NUP210: variants seen among roughly 807,000 people sequenced by gnomAD.
NUP210 encodes nucleoporin 210, also known as nuclear pore membrane glycoprotein 210.
In NUP210, 151 loss-of-function variants were observed where a neutral mutation model predicts 196.0. The observed-to-expected ratio is 0.77, with a 90% CI of 0.67 to 0.88. NUP210 has a LOEUF of 0.88. Ranked by LOEUF, NUP210 falls within the 40% of genes least tolerant of loss-of-function variation. The probability of loss-of-function intolerance (pLI) is 0.00; values close to 1 mark genes in which losing one functional copy is unlikely to be tolerated. For synonymous variants in NUP210, 1,070 were observed against 1,052.7 expected (o/e 1.02, Z -0.32); for missense variants, 2,314 against 2,493.7 (o/e 0.93, Z 1.53).
chr3:13,404,144 CAT>C, intron 1 of NUP210, among the ~76,000 whole-genome samples: 1 of 152,322 alleles, frequency 6.6e-6, no homozygotes, highest in Non-Finnish European at 1.5e-5. Flanking sequence ...TAGCTTTGGG[CAT>C]GTCTTTAAGG....
Position 13,319,864 on chromosome 3 carries a change from G to A in NUP210, c.5282C>T (p.Pro1761Leu). 1 of 1,614,238 alleles carries A rather than the reference G, an allele frequency of 6.2e-7. No individual in the cohort carries two copies. Among genetic ancestry groups the A allele is most frequent in the Non-Finnish European group, 8.5e-7 (1 of 1,180,038 alleles). Residue 1761 changes from proline (P) to leucine (L), a missense_variant, in exon 37 of 40, where the codon CCT becomes CTT. Transcript: ENST00000254508. ...VLDPAAGSQG[P>L]LSTTLTFSSP... Reference sequence around the variant, plus strand: ...GGAGAAGGTCAGGGTAGTGGACAGAGGCCCTTGGCTGCCAGCCGCGGGGTC... The same window carrying A: ...GGAGAAGGTCAGGGTAGTGGACAGAAGCCCTTGGCTGCCAGCCGCGGGGTC...
intron 39 of NUP210, among the ~76,000 whole-genome samples, chr3:13,318,024 C>T (rs1333906997): frequency 6.6e-6 from 1 of 152,190 alleles, no homozygotes; most frequent in African/African-American, 2.4e-5. Flanking sequence ...GAGAACGTGT[C>T]TCAAGTTTCA....
chr3:13,403,416 T>C (rs1403972895), intron 1 of NUP210, among the ~76,000 whole-genome samples: 1 of 152,162 alleles, frequency 6.6e-6, no homozygotes, highest in Non-Finnish European at 1.5e-5. Flanking sequence ...ATCCCAACCA[T>C]GAGGGCCCCA....
intron 36 of NUP210, among the ~76,000 whole-genome samples, chr3:13,321,194 A>C (rs1209841957): frequency 2.0e-5 from 3 of 152,224 alleles, no homozygotes; most frequent in Admixed American, 6.5e-5. Context: ...TCATGGGGGA[A>C]GTGAGGCCTG....
intron 25 of NUP210, among the ~76,000 whole-genome samples, chr3:13,338,825 C>T (rs1043119415): frequency 8.5e-5 from 13 of 152,316 alleles, no homozygotes; most frequent in African/African-American, 2.6e-4. Flanking sequence ...ACCTCCCCAA[C>T]CTGCCAGATG....
intron 26 of NUP210, among the ~76,000 whole-genome samples, chr3:13,337,291 C>T (rs6442369): frequency 0.62 from 94,201 of 152,028 alleles, 30,730 homozygotes; most frequent in African/African-American, 0.84. Flanking sequence ...TCACAGGGCA[C>T]GTGTGGGTGG....
chr3:13,355,827 G>C (rs1001009009), intron 16 of NUP210, among the ~76,000 whole-genome samples: 16 of 152,192 alleles, frequency 1.1e-4, no homozygotes, highest in African/African-American at 3.9e-4. Flanking sequence ...TGCAATCCTG[G>C]CTGGAAAACC....
chr3:13,363,906 G>A (rs1698447731), intron 14 of NUP210, among the ~76,000 whole-genome samples: 1 of 152,248 alleles, frequency 6.6e-6, no homozygotes, highest in Non-Finnish European at 1.5e-5. Context: ...GCCAGGAGGG[G>A]CCCTGAAGAA....
intron 13 of NUP210, among the ~76,000 whole-genome samples, chr3:13,367,316 T>C (rs1157257924): frequency 6.6e-6 from 1 of 151,780 alleles, no homozygotes; most frequent in Non-Finnish European, 1.5e-5. Flanking sequence ...CTGTCTGTAA[T>C]CCCAGCTACT....
At chr3:13,339,635 G>A (rs543462489) in intron 25 of NUP210, among the ~76,000 whole-genome samples, 1 of 152,366 alleles carries the variant, frequency 6.6e-6, no homozygotes, top group Admixed American at 6.5e-5. Context: ...CAGCTGGAAG[G>A]ACTGGGAGAC....
chr3:13,354,167 C>T (rs1295868829), intron 16 of NUP210, 60 bp from the exon 17 acceptor site: 1 of 1,407,134 alleles, frequency 7.1e-7, no homozygotes, highest in East Asian at 2.5e-5. Context: ...GGACACTGAC[C>T]ACGCAGTGCA....
intron 1 of NUP210, among the ~76,000 whole-genome samples, chr3:13,416,064 G>T (rs148027349): frequency 6.6e-6 from 1 of 152,162 alleles, no homozygotes; most frequent in African/African-American, 2.4e-5. Context: ...CAAGCTCCAC[G>T]GCATAGGGAC....
At chr3:13,409,222 G>A (rs930546004) in intron 1 of NUP210, among the ~76,000 whole-genome samples, 6 of 152,212 alleles carry the variant, frequency 3.9e-5, no homozygotes, top group African/African-American at 1.4e-4. Flanking sequence ...GTCTGCTATG[G>A]TCTGAATGTC....
At chr3:13,365,587 G>T (rs1292770120) in intron 14 of NUP210, among the ~76,000 whole-genome samples, 1 of 152,220 alleles carries the variant, frequency 6.6e-6, no homozygotes, top group Non-Finnish European at 1.5e-5. Context: ...CTGAAGGTTA[G>T]CTCTGGAGTG....
chr3:13,322,329 G>T lies in NUP210; in HGVS notation c.4779C>A (p.Thr1593=). 6.2e-7 allele frequency: 1 copy of T among 1,614,232 alleles called. No individual in the cohort carries two copies. Among genetic ancestry groups the T allele is most frequent in the Non-Finnish European group, 8.5e-7 (1 of 1,180,046 alleles). Residue 1593 remains threonine, a synonymous_variant, in exon 35 of 40, where the codon ACC becomes ACA. Coordinates refer to ENST00000254508, the MANE Select transcript of NUP210 (RefSeq NM_024923.4). ...DRSSNLRGEC[T]PTQREVIQAL... The stretch of plus-strand genomic sequence containing the variant: ...CCTGGATGACTTCCCTCTGGGTGGG[G>T]GTGCACTCGCCTAGAGAGGGGAGAG...
Position 13,379,791 on chromosome 3 carries a change from A to G in NUP210, c.818-70T>C. On this transcript the variant is annotated intron_variant, in intron 6 of 39. Transcript: ENST00000254508. The surrounding 1 kb of genome is among the most constrained non-coding windows in gnomAD (Gnocchi z 4.2). ...GACAGGAAATGTTAGAAGCCAATAC[A>G]CTCCCACTGCCACCCCGAATCTCTG... 7.4e-7 allele frequency: 1 copy of G among 1,345,694 alleles called. No individual in the cohort carries two copies. The highest frequency in any genetic ancestry group is 2.4e-5 in the East Asian group (1 of 41,144). The allele number at this position is 1,345,694 out of a possible 1,614,324, so 83.4% of individuals were successfully genotyped here.
In NUP210 at chr3:13,340,059, G is replaced by A. The variant is rs1374949451; in HGVS notation, c.3292-26C>T. 4 of 1,608,604 alleles carry A rather than the reference G, an allele frequency of 2.5e-6. No individual in the cohort carries two copies. The highest frequency in any genetic ancestry group is 4.5e-5 in the East Asian group (2 of 44,740). On this transcript the variant is annotated intron_variant, in intron 24 of 39. Coordinates refer to ENST00000254508, the MANE Select transcript of NUP210 (RefSeq NM_024923.4). This position sits in a 1 kb window ranked among gnomAD's most constrained non-coding sequence, Gnocchi z 4.0. ...CTGAGCGGGGAGGAAACAGCGGCGT[G>A]TCAGTGCCCGTCATGCCAGGCAGCC...
At chr3:13,328,511 A>G (rs571924916) in intron 31 of NUP210, among the ~76,000 whole-genome samples, 3 of 151,962 alleles carry the variant, frequency 2.0e-5, no homozygotes, top group Non-Finnish European at 4.4e-5. Context: ...CTCGGGGAGC[A>G]CTCCCTGGAG....
In NUP210 at chr3:13,340,334, C is replaced by G. The variant is rs751891094; in HGVS notation, c.3229-36G>C. 2.3e-5 allele frequency: 37 copies of G among 1,584,052 alleles called. No homozygotes were observed. The highest frequency in any genetic ancestry group is 3.1e-5 in the Non-Finnish European group (36 of 1,153,884). On this transcript the variant is annotated intron_variant, in intron 23 of 39. Coordinates refer to ENST00000254508, the MANE Select transcript of NUP210 (RefSeq NM_024923.4). This position sits in a 1 kb window ranked among gnomAD's most constrained non-coding sequence, Gnocchi z 4.0. ...ACACAGGAGAGAAAGGACTACTGTG[C>G]CCCAAGCCCATGGCGCCAAGCATAA... is the stretch of plus-strand genomic sequence containing the variant.
Sources: allele counts gnomAD v4.1 joint callset (sites outside exome capture counted in the v4.1 genomes callset), GRCh38; gene constraint gnomAD v4.1.1; non-coding constraint Gnocchi (gnomAD v3.1); transcripts MANE v1.5; gene names NCBI Gene and HGNC (gene_info 2026-07-23, HGNC 2026-07-21).